The following TGM7 variants were observed in gnomAD, a reference collection of about 807,000 sequenced individuals.
TGM7 encodes transglutaminase 7.
A neutral mutation model predicts 79.5 loss-of-function variants in TGM7; 74 were observed. The observed-to-expected ratio is 0.93, with a 90% confidence interval of 0.77 to 1.13. The LOEUF (loss-of-function observed/expected upper bound fraction) is 1.13, where lower values mean the gene tolerates loss of function less well. TGM7 is among the 50% of genes most tolerant of loss of function. TGM7 has a pLI of 0.00. For missense variants in TGM7, 912 were observed against 905.9 expected, an observed-to-expected ratio of 1.01 and a Z score of -0.09; for synonymous variants, 354 against 362.5, an observed-to-expected ratio of 0.98 and a Z score of 0.27.
intron 6 of TGM7, 82 bp downstream of exon 6, chr15:43,287,198 G>A (rs2042939434): frequency 6.7e-7 from 1 of 1,489,130 alleles, no homozygotes; most frequent in Non-Finnish European, 9.1e-7. Flanking sequence ...CCATGGGCAA[G>A]CTACTGAACC....
In TGM7 at chr15:43,279,760, C is replaced by A. The variant is rs59550885; in HGVS notation, c.1543G>T (p.Val515Leu). ...DLQLLLRIQRVPDSTHPRGPI... is the reference protein window; with the variant it reads ...DLQLLLRIQRLPDSTHPRGPI... ...CCCCGAGGGTGGGTGCTGTCTGGCA[C>A]CCTCTGGATACGCAGCAGCAGCTGC... is the stretch of plus-strand genomic sequence containing the variant. The change falls in exon 10 of 13, where the codon GTG (valine) becomes TTG (leucine). Residue 515 changes from valine (V) to leucine (L), a missense_variant. By Grantham distance (32) the Val-to-Leu change is conservative. Transcript: ENST00000452443. The A allele has an allele frequency of 3.4e-3, 5,487 of 1,614,114 alleles. 160 individuals carry two copies. The East Asian group carries it at 0.063, about 19-fold the overall frequency.
intron 7 of TGM7, among the ~76,000 whole-genome samples, chr15:43,284,249 A>T (rs984200627): frequency 2.0e-5 from 3 of 152,190 alleles, no homozygotes; most frequent in African/African-American, 7.2e-5. Flanking sequence ...TGGCTGGAAA[A>T]AGAGAAACAG....
rs115152288 is a variant in TGM7 at position 43,301,900 on chromosome 15, G to T, written c.10+341C>A. ...AGAGGGGTCCTCCCACAGCTTCAGA[G>T]TTGGCCATAGAAATAGCCTCCCAAG... On this transcript the variant is annotated intron_variant, in intron 1 of 12. Transcript: ENST00000452443. Among the ~76,000 whole-genome samples, 458 of 152,248 alleles carry T rather than the reference G, an allele frequency of 3.0e-3. 4 individuals are homozygous for T. The highest frequency in any genetic ancestry group is 0.011 in the African/African-American group (454 of 41,576).
chr15:43,295,868 T>A (rs2042989571), intron 1 of TGM7, among the ~76,000 whole-genome samples: 1 of 152,252 alleles, frequency 6.6e-6, no homozygotes, highest in Non-Finnish European at 1.5e-5. Flanking sequence ...AACCTCTTGA[T>A]GTGTTGGGGC....
At position 43,279,770 on chromosome 15, in the gene TGM7, A is replaced by C; in HGVS notation, c.1533T>G (p.Arg511=). 6.2e-7 allele frequency: 1 copy of C among 1,614,090 alleles called. No individual in the cohort carries two copies. Among genetic ancestry groups the C allele is most frequent in the Non-Finnish European group, 8.5e-7 (1 of 1,180,028 alleles). The part of the protein sequence containing the change: ...EWGQDLQLLL[R]IQRVPDSTHP... ...GGGTGCTGTCTGGCACCCTCTGGAT[A>C]CGCAGCAGCAGCTGCAGGTCCTGGC... Residue 511 remains arginine (R), a synonymous_variant, in exon 10 of 13, where the codon CGT becomes CGG. Coordinates refer to ENST00000452443, the MANE Select transcript of TGM7 (RefSeq NM_052955.3).
At chr15:43,280,183 C>T (rs941744052) in intron 9 of TGM7, among the ~76,000 whole-genome samples, 9 of 152,158 alleles carry the variant, frequency 5.9e-5, no homozygotes, top group South Asian at 4.1e-4. Flanking sequence ...ATCCCAAAAA[C>T]GTCAGGCTGA....
chr15:43,278,071 G>A (rs926508954), intron 11 of TGM7, among the ~76,000 whole-genome samples: 3 of 152,264 alleles, frequency 2.0e-5, no homozygotes, highest in Non-Finnish European at 2.9e-5. Flanking sequence ...GCTGCCTGGT[G>A]TCAGCTGGCC....
At position 43,282,628 on chromosome 15, in the gene TGM7, A is replaced by C. The variant is rs2042915355; in HGVS notation, c.1005-8T>G. ...TTCCAGACGTGGAAGTTCCTGCAGGAGGGAGTAAGGAGACAAGGATTCATG... is the reference window on the plus strand; with the variant it reads ...TTCCAGACGTGGAAGTTCCTGCAGGCGGGAGTAAGGAGACAAGGATTCATG... On this transcript the variant is annotated splice_region_variant and splice_polypyrimidine_tract_variant and intron_variant, in intron 7 of 12. Transcript: ENST00000452443. The C allele has an allele frequency of 6.3e-7, 1 of 1,582,772 alleles. No individual in the cohort carries two copies.
chr15:43,276,686 C>T (rs1008711539), intron 12 of TGM7, 72 bp from the exon 13 acceptor site: 1 of 1,560,820 alleles, frequency 6.4e-7, no homozygotes. Context: ...TGGTTCCCCT[C>T]TGGGTGGGTA....
At chr15:43,288,285 G>A (rs1402384536) in intron 4 of TGM7, among the ~76,000 whole-genome samples, 2 of 152,166 alleles carry the variant, frequency 1.3e-5, no homozygotes, top group African/African-American at 4.8e-5. Context: ...AGGGTCACAG[G>A]TCGCCACGGT....
chr15:43,285,572 T>G (rs183746825), intron 6 of TGM7, among the ~76,000 whole-genome samples: 1 of 152,064 alleles, frequency 6.6e-6, no homozygotes, highest in Non-Finnish European at 1.5e-5. Context: ...CCACCCTAGC[T>G]CTGAAATTTG....
chr15:43,293,329 C>T, intron 2 of TGM7, 120 bp downstream of exon 2: 1 of 1,292,636 alleles, frequency 7.7e-7, no homozygotes, highest in East Asian at 2.3e-5. Context: ...GGGTCTGGGG[C>T]TCCCAGGACA....
In TGM7 at chr15:43,279,196, A is replaced by C; in HGVS notation, c.1760T>G (p.Ile587Ser). ...TDEKLIRVSGIAEVEETGRSM... is the reference protein window; with the variant it reads ...TDEKLIRVSGSAEVEETGRSM... Reference sequence around the variant, plus strand: ...CCTCCCTGTCTCTTCAACCTCCGCGATGCCAGACACGCGGATGAGCTTTTC... The same window carrying C: ...CCTCCCTGTCTCTTCAACCTCCGCGCTGCCAGACACGCGGATGAGCTTTTC... Residue 587 changes from isoleucine (I) to serine (S), a missense_variant, in exon 11 of 13, where the codon ATC (isoleucine) becomes AGC (serine). Coordinates refer to ENST00000452443, the MANE Select transcript of TGM7 (RefSeq NM_052955.3). 1 of 1,614,144 alleles carries C rather than the reference A, an allele frequency of 6.2e-7. No homozygotes were observed. The highest frequency in any genetic ancestry group is 8.5e-7 in the Non-Finnish European group (1 of 1,180,012).
chr15:43,291,966 G>A lies in TGM7; in HGVS notation c.558+13C>T, dbSNP rs985284726. ...GGAGCCCACCCCAGGCCCACATTGGGTAATAGTGTTACCTGCCCGTAGTTC... is the reference window on the plus strand; with the variant it reads ...GGAGCCCACCCCAGGCCCACATTGGATAATAGTGTTACCTGCCCGTAGTTC... On this transcript the variant is annotated intron_variant, in intron 4 of 12. Coordinates refer to ENST00000452443, the MANE Select transcript of TGM7 (RefSeq NM_052955.3). The A allele has an allele frequency of 5.6e-6, 9 of 1,603,690 alleles. No homozygotes were observed. Among genetic ancestry groups the A allele is most frequent in the Non-Finnish European group, 7.7e-6 (9 of 1,170,720 alleles).
chr15:43,287,495 G>A (rs768454346), intron 5 of TGM7, 38 bp from the exon 6 acceptor site: 1 of 1,612,996 alleles, frequency 6.2e-7, no homozygotes, highest in Non-Finnish European at 8.5e-7. Flanking sequence ...ACAGCTCCCG[G>A]GGAAGCTCAG....
chr15:43,290,468 C>T (rs2042958425), intron 4 of TGM7, among the ~76,000 whole-genome samples: 1 of 152,134 alleles, frequency 6.6e-6, no homozygotes, highest in African/African-American at 2.4e-5. Flanking sequence ...GTTACTGTAG[C>T]CTTGTAGTAT....
chr15:43,293,733 G>T, intron 1 of TGM7, 102 bp from the exon 2 acceptor site: 1 of 258,562 alleles, frequency 3.9e-6, no homozygotes, highest in African/African-American at 3.4e-5. Flanking sequence ...GCGGGTGGTG[G>T]GGCGTGCGGG....
chr15:43,291,391 G>A (rs1278794218), intron 4 of TGM7, among the ~76,000 whole-genome samples: 1 of 152,138 alleles, frequency 6.6e-6, no homozygotes, highest in East Asian at 1.9e-4. Flanking sequence ...GTTGAAGCAG[G>A]TCTCTGTCTT....
rs773290804 is a variant in TGM7 at position 43,276,543 on chromosome 15, C to T, written c.2045G>A (p.Arg682His). ...LDLYPTKAGP[R>H]QLQVLISSNE... ...GCTGCTGATGAGAACCTGGAGCTGG[C>T]GGGGTCCAGCTTTGGTCGGGTAGAG... Residue 682 changes from arginine (R) to histidine (H), a missense_variant, in exon 13 of 13, where the codon CGC (arginine) becomes CAC (histidine). Coordinates refer to ENST00000452443, the MANE Select transcript of TGM7 (RefSeq NM_052955.3). 2.5e-6 allele frequency: 4 copies of T among 1,614,060 alleles called. No individual in the cohort carries two copies. Among genetic ancestry groups the T allele is most frequent in the South Asian group, 2.2e-5 (2 of 91,064 alleles).
Sources: allele counts gnomAD v4.1 joint callset (sites outside exome capture counted in the v4.1 genomes callset), GRCh38; gene constraint gnomAD v4.1.1; transcripts MANE v1.5; gene names NCBI Gene and HGNC (gene_info 2026-07-23, HGNC 2026-07-21).